The following IGSF10 variants were observed in gnomAD, a reference collection of about 807,000 sequenced individuals.
IGSF10 encodes the protein immunoglobulin superfamily member 10.
In IGSF10, 126 loss-of-function variants were observed where a neutral mutation model predicts 128.2. The observed-to-expected ratio is 0.98, with a 90% CI of 0.85 to 1.14. The LOEUF (loss-of-function observed/expected upper bound fraction) is 1.14. Among genes scored for constraint, IGSF10 ranks in the 50% most tolerant of loss-of-function variants. The pLI, the probability that IGSF10 is intolerant of heterozygous loss-of-function variation, is 0.00. For missense variants in IGSF10, 3,295 were observed against 3,149.8 expected (o/e 1.05, Z -1.10); for synonymous variants, 1,185 against 1,146.2 (o/e 1.03, Z -0.68).
At chr3:151,533,407 TACA>T in the IGSF10 span, among the ~76,000 whole-genome samples, 1 of 152,280 alleles carries the variant, frequency 6.6e-6, no homozygotes, top group Non-Finnish European at 1.5e-5. Flanking sequence ...CAAACTATGC[TACA>T]AGGCTACAGT....
chr3:151,438,253 G>T lies in IGSF10; in HGVS notation c.6308C>A (p.Thr2103Asn), dbSNP rs773684022. The change falls in exon 8 of 8, where the codon ACT (threonine) becomes AAT (asparagine). Residue 2103 changes from threonine to asparagine, a missense_variant. By Grantham distance (65) the Thr-to-Asn change is moderately conservative. Coordinates refer to ENST00000282466, the MANE Select transcript of IGSF10 (RefSeq NM_178822.5). ...TRRYTLFNNG[T>N]LYFNKVGVAE... ...TACCCCAACTTTGTTGAAGTATAAA[G>T]TTCCATTGTTGAAAAGGGTATATCT... 1 of 1,614,094 alleles carries T rather than the reference G, an allele frequency of 6.2e-7. No individual in the cohort carries two copies. Among genetic ancestry groups the T allele is most frequent in the South Asian group, 1.1e-5 (1 of 91,076 alleles).
At chr3:151,523,207 G>T in the IGSF10 span, among the ~76,000 whole-genome samples, 1 of 152,150 alleles carries the variant, frequency 6.6e-6, no homozygotes, top group Admixed American at 6.6e-5. Context: ...CTCATGGATA[G>T]GAAGCACCAA....
chr3:151,495,737 G>A, the IGSF10 span, among the ~76,000 whole-genome samples: 3 of 152,036 alleles, frequency 2.0e-5, no homozygotes, highest in African/African-American at 7.2e-5. Context: ...AGGGGAACAT[G>A]AGCCAAATAT....
the IGSF10 span, among the ~76,000 whole-genome samples, chr3:151,515,813 G>T: frequency 6.6e-6 from 1 of 151,254 alleles, no homozygotes; most frequent in Admixed American, 6.6e-5. Flanking sequence ...GGTTTGTCAA[G>T]CCCAAAATCC....
In IGSF10 at chr3:151,457,072, A is replaced by T. The variant is rs762957887; in HGVS notation, c.278T>A (p.Ile93Asn). 3.7e-6 allele frequency: 6 copies of T among 1,614,184 alleles called. No homozygotes were observed. Among genetic ancestry groups the T allele is most frequent in the Non-Finnish European group, 4.2e-6 (5 of 1,180,014 alleles). Residue 93 changes from isoleucine (I) to asparagine (N), a missense_variant, in exon 4 of 8, where the codon ATT becomes AAT. Physicochemically the swap from Ile to Asn is moderately radical, Grantham distance 149. Transcript: ENST00000282466. ...LELLMLHSNG[I>N]HTIPDKTFSD... ...GAAGGTCTTGTCAGGGATTGTGTGA[A>T]TGCCATTGCTGTGAAGCATGAGTAA...
the IGSF10 span, among the ~76,000 whole-genome samples, chr3:151,513,789 C>T: frequency 6.6e-6 from 1 of 152,130 alleles, no homozygotes; most frequent in East Asian, 1.9e-4. Context: ...GATACAAAAT[C>T]AATGTACAAA....
At chr3:151,496,782 A>T in the IGSF10 span, among the ~76,000 whole-genome samples, 2 of 151,714 alleles carry the variant, frequency 1.3e-5, no homozygotes, top group Non-Finnish European at 2.9e-5. Context: ...TGAACTAGTT[A>T]ACAGTCCCAC....
the IGSF10 span, among the ~76,000 whole-genome samples, chr3:151,520,954 A>T: frequency 6.6e-6 from 1 of 151,730 alleles, no homozygotes; most frequent in Non-Finnish European, 1.5e-5. Flanking sequence ...GATTAAAAAA[A>T]AAGCAATATC....
the IGSF10 span, among the ~76,000 whole-genome samples, chr3:151,573,309 T>C: frequency 1.3e-5 from 2 of 152,198 alleles, no homozygotes; most frequent in East Asian, 1.9e-4. Context: ...CGTTGATCTG[T>C]CTAATATTGA....
chr3:151,497,119 G>A, the IGSF10 span, among the ~76,000 whole-genome samples: 1 of 150,360 alleles, frequency 6.7e-6, no homozygotes, highest in Non-Finnish European at 1.5e-5. Context: ...CTCCCATTCT[G>A]TAGGTTGCCT....
At chr3:151,588,234 T>C in the IGSF10 span, among the ~76,000 whole-genome samples, 1 of 152,182 alleles carries the variant, frequency 6.6e-6, no homozygotes, top group Admixed American at 6.5e-5. Flanking sequence ...CACATAAAAC[T>C]AGTTTTAGAA....
the IGSF10 span, among the ~76,000 whole-genome samples, chr3:151,466,703 C>T: frequency 2.6e-5 from 4 of 152,252 alleles, no homozygotes; most frequent in East Asian, 3.9e-4. Context: ...CTTCGCCTCC[C>T]GAGTAGCTGG....
the IGSF10 span, among the ~76,000 whole-genome samples, chr3:151,515,956 G>A: frequency 6.6e-6 from 1 of 152,018 alleles, no homozygotes; most frequent in Admixed American, 6.6e-5. Context: ...CATGCAACAA[G>A]GCAAGAGGGC....
the IGSF10 span, among the ~76,000 whole-genome samples, chr3:151,568,886 G>T: frequency 6.6e-6 from 1 of 152,122 alleles, no homozygotes; most frequent in Non-Finnish European, 1.5e-5. Flanking sequence ...CCAGCAGAAA[G>T]AAACTTAATA....
chr3:151,571,140 A>G, the IGSF10 span, among the ~76,000 whole-genome samples: 1 of 152,108 alleles, frequency 6.6e-6, no homozygotes, highest in Admixed American at 6.5e-5. Flanking sequence ...GTAGGCTTGT[A>G]GTATAGTTTG....
At position 151,453,556 on chromosome 3, in the gene IGSF10, T is replaced by C. The variant is rs1379156919; in HGVS notation, c.543A>G (p.Ile181Met). 5.0e-6 allele frequency: 8 copies of C among 1,613,906 alleles called. No homozygotes were observed. Among genetic ancestry groups the C allele is most frequent in the Non-Finnish European group, 6.8e-6 (8 of 1,179,840 alleles). The part of the protein sequence containing the change: ...DTFVSLSYLQ[I>M]FKISFIKFLY... ...GGAACTTAATGAAAGAGATTTTAAA[T>C]ATCTGGAGGTAGCTCAAAGAGACAA... The change falls in exon 5 of 8, where the codon ATA (isoleucine) becomes ATG (methionine). Residue 181 changes from isoleucine to methionine, a missense_variant. By Grantham distance (10) the Ile-to-Met change is conservative. Transcript: ENST00000282466.
the IGSF10 span, among the ~76,000 whole-genome samples, chr3:151,498,110 C>A: frequency 6.6e-6 from 1 of 152,148 alleles, no homozygotes; most frequent in East Asian, 1.9e-4. Flanking sequence ...ACAATCATGT[C>A]ATCTGTAAAC....
the IGSF10 span, among the ~76,000 whole-genome samples, chr3:151,517,941 C>G: frequency 6.6e-6 from 1 of 151,898 alleles, no homozygotes; most frequent in Non-Finnish European, 1.5e-5. Flanking sequence ...TTGTTCTCAC[C>G]TTACGAACCC....
chr3:151,603,112 C>T, the IGSF10 span, among the ~76,000 whole-genome samples: 1 of 152,192 alleles, frequency 6.6e-6, no homozygotes, highest in Non-Finnish European at 1.5e-5. Flanking sequence ...CTTGAATTTG[C>T]TTAACAGGGC....
Sources: gnomAD v4.1 joint callset for allele counts (sites outside exome capture counted in the v4.1 genomes callset) on GRCh38, gnomAD v4.1.1 for gene constraint, MANE v1.5 for transcripts, NCBI Gene and HGNC (gene_info 2026-07-23, HGNC 2026-07-21) for gene names.